Variants in ARL6 observed in about 807,000 individuals in gnomAD.
ARL6 encodes the protein ADP-ribosylation factor-like protein 6.
A neutral mutation model predicts 27.1 loss-of-function variants in ARL6; 18 were observed. The observed-to-expected ratio is 0.66, with a 90% confidence interval of 0.46 to 0.98. The LOEUF (loss-of-function observed/expected upper bound fraction) is 0.98, where lower values mean the gene tolerates loss of function less well. Among genes scored for constraint, ARL6 ranks in the 50% least tolerant of loss-of-function variants. The pLI is 0.00. For synonymous variants in ARL6, 65 were observed against 72.3 expected, an observed-to-expected ratio of 0.90 and a Z score of 0.51; for missense variants, 187 against 214.9, an observed-to-expected ratio of 0.87 and a Z score of 0.81.
chr3:97,790,055 G>A (rs1576469374), intron 6 of ARL6, among the ~76,000 whole-genome samples: 1 of 143,534 alleles, frequency 7.0e-6, no homozygotes, highest in East Asian at 2.1e-4. Context: ...TCATGATTGT[G>A]TGTGTGTGTG....
At chr3:97,794,861 A>G (rs1324806105) in intron 7 of ARL6, among the ~76,000 whole-genome samples, 1 of 152,084 alleles carries the variant, frequency 6.6e-6, no homozygotes, top group African/African-American at 2.4e-5. Flanking sequence ...TGAGGTGGAC[A>G]GATCACTTGA....
upstream of ARL6, chr3:97,764,528 A>T (rs976576903): frequency 2.6e-5 from 4 of 152,318 alleles, no homozygotes; most frequent in Admixed American, 6.5e-5. Context: ...TACAACTCCC[A>T]TGATGCTACG....
chr3:97,786,788 GA>G (rs1256244826), intron 5 of ARL6, among the ~76,000 whole-genome samples: 1 of 152,126 alleles, frequency 6.6e-6, no homozygotes, highest in East Asian at 1.9e-4. Context: ...AGAAAATGGG[GA>G]AAGGACATAT....
chr3:97,774,346 A>G (rs115003763), intron 2 of ARL6, among the ~76,000 whole-genome samples: 1,670 of 152,100 alleles, frequency 0.011, 38 homozygotes, highest in African/African-American at 0.037. Context: ...TCCCCCCGGG[A>G]TTCTAGAAGC....
At chr3:97,784,608 A>G (rs906294005) in intron 4 of ARL6, among the ~76,000 whole-genome samples, 4 of 151,846 alleles carry the variant, frequency 2.6e-5, no homozygotes, top group African/African-American at 7.2e-5. Flanking sequence ...TTATACCAAA[A>G]TATTAATAAT....
chr3:97,777,713 G>C (rs546583960), intron 2 of ARL6, among the ~76,000 whole-genome samples: 1 of 152,164 alleles, frequency 6.6e-6, no homozygotes, highest in Non-Finnish European at 1.5e-5. Flanking sequence ...ATAGAGCAGA[G>C]GGAGATTGAT....
intron 7 of ARL6, among the ~76,000 whole-genome samples, chr3:97,792,852 G>A (rs555602917): frequency 5.9e-5 from 9 of 151,912 alleles, no homozygotes; most frequent in Non-Finnish European, 1.0e-4. Context: ...TCATTTCTAC[G>A]GGGAATGTCT....
rs890491653 is a variant in ARL6, at chr3:97,764,920, G to A, written c.-85G>A. 2 of 152,280 alleles carry A rather than the reference G, an allele frequency of 1.3e-5. No homozygotes were observed. Among genetic ancestry groups the A allele is most frequent in the Non-Finnish European group, 2.9e-5 (2 of 68,042 alleles). 9.4% of individuals were successfully genotyped at this position (152,280 alleles called of 1,614,324 possible). ...AGATTTCCATCCCGGAGACCGATAC[G>A]AGTGCGTCCATTCCTGTTGCCAGCT... On this transcript the variant is annotated 5_prime_UTR_variant, in exon 1 of 8. Transcript: ENST00000463745.
chr3:97,780,939 A>C (rs1391069763), intron 4 of ARL6, among the ~76,000 whole-genome samples: 3 of 152,090 alleles, frequency 2.0e-5, no homozygotes, highest in Non-Finnish European at 2.9e-5. Context: ...ACTTCAGTTT[A>C]AGGTTAACAT....
chr3:97,784,188 T>C (rs572931949), intron 4 of ARL6, among the ~76,000 whole-genome samples: 1 of 151,990 alleles, frequency 6.6e-6, no homozygotes, highest in East Asian at 1.9e-4. Context: ...ATCCATGCAG[T>C]GCAATAGTTT....
chr3:97,780,299 C>A, intron 3 of ARL6, 79 bp downstream of exon 3: 1 of 1,109,332 alleles, frequency 9.0e-7, no homozygotes. Flanking sequence ...TTCTTCCTAC[C>A]CTTAGATAAA....
At chr3:97,794,653 A>G (rs796949627) in intron 7 of ARL6, among the ~76,000 whole-genome samples, 6 of 152,338 alleles carry the variant, frequency 3.9e-5, no homozygotes, top group African/African-American at 1.2e-4. Context: ...GTGTTAGCCA[A>G]AGTTCTTTAT....
Position 97,799,338 on chromosome 3 carries a change from T to C in ARL6, c.*1289T>C, listed in dbSNP as rs1174132728. 1 of 152,086 alleles carries C rather than the reference T, an allele frequency of 6.6e-6. No homozygotes were observed. The highest frequency in any genetic ancestry group is 1.5e-5 in the Non-Finnish European group (1 of 67,948). 9.4% of individuals were successfully genotyped at this position (152,086 alleles called of 1,614,324 possible). On this transcript the variant is annotated 3_prime_UTR_variant, in exon 8 of 8. Transcript: ENST00000463745. ...AAAAGTTCTATATTCCAGTTTCTTATAGTCCAGAAATAGCAGTGATTTGGC... is the reference window on the plus strand; with the variant it reads ...AAAAGTTCTATATTCCAGTTTCTTACAGTCCAGAAATAGCAGTGATTTGGC...
Position 97,788,017 on chromosome 3 carries a change from T to C in ARL6, c.377T>C (p.Leu126Ser). ...ATTAAACACCGTCGAATTCCAATCT[T>C]ATTCTTTGCAAATAAAATGGATCTT... ...PDIKHRRIPI[L>S]FFANKMDLRD... is the part of the protein sequence containing the mutation. Residue 126 changes from leucine to serine, a missense_variant, in exon 6 of 8, where the codon TTA (leucine) becomes TCA (serine). Physicochemically the swap from Leu to Ser is moderately radical, Grantham distance 145. Transcript: ENST00000463745. 6.2e-7 allele frequency: 1 copy of C among 1,613,358 alleles called. No homozygotes were observed. Among genetic ancestry groups the C allele is most frequent in the Non-Finnish European group, 8.5e-7 (1 of 1,179,510 alleles).
At chr3:97,765,144 A>G (rs928565336) in intron 1 of ARL6, among the ~76,000 whole-genome samples, 167 bp downstream of exon 1, 7 of 151,990 alleles carry the variant, frequency 4.6e-5, no homozygotes, top group Admixed American at 3.3e-4. Context: ...AAAACTTACT[A>G]AACTGGTTTG....
chr3:97,792,358 C>CTGT (rs1191159579), intron 7 of ARL6, among the ~76,000 whole-genome samples: 1 of 152,064 alleles, frequency 6.6e-6, no homozygotes, highest in Non-Finnish European at 1.5e-5. Context: ...TGGTGTACAC[C>CTGT]TGTAAACCCA....
At chr3:97,776,415 G>A (rs373609844) in intron 2 of ARL6, among the ~76,000 whole-genome samples, 3 of 152,088 alleles carry the variant, frequency 2.0e-5, no homozygotes, top group African/African-American at 7.2e-5. Context: ...TCTAATTGAA[G>A]AATGTAGTTC....
intron 2 of ARL6, among the ~76,000 whole-genome samples, chr3:97,774,180 C>A (rs1022884471): frequency 6.6e-6 from 1 of 152,162 alleles, no homozygotes; most frequent in South Asian, 2.1e-4. Flanking sequence ...GTAGGAGGAG[C>A]CTGTTCTCCA....
At chr3:97,767,375 G>T (rs1300807377) in intron 1 of ARL6, among the ~76,000 whole-genome samples, 7 of 152,084 alleles carry the variant, frequency 4.6e-5, no homozygotes, top group Admixed American at 4.6e-4. Context: ...TAAATTGAAT[G>T]TGTGTATGTA....
Sources: allele counts gnomAD v4.1 joint callset (sites outside exome capture counted in the v4.1 genomes callset), GRCh38; gene constraint gnomAD v4.1.1; transcripts MANE v1.5; gene names NCBI Gene and HGNC (gene_info 2026-07-23, HGNC 2026-07-21).